AZIN1: variants seen among roughly 807,000 people sequenced by gnomAD.
The protein encoded by AZIN1 is ornithine decarboxylase antizyme inhibitor.
AZIN1 carries 12 observed loss-of-function variants against 47.4 expected under a neutral mutation model. The ratio of observed to expected loss-of-function variants is 0.25; its 90% CI spans 0.16 to 0.41. The LOEUF (loss-of-function observed/expected upper bound fraction) is 0.41. Among genes scored for constraint, AZIN1 ranks in the 10% least tolerant of loss-of-function variants. The probability of loss-of-function intolerance (pLI) is 1.00; values close to 1 mark genes in which losing one functional copy is unlikely to be tolerated. For synonymous variants in AZIN1, 155 were observed against 176.3 expected, an observed-to-expected ratio of 0.88 and a Z score of 0.96; for missense variants, 410 against 532.4, an observed-to-expected ratio of 0.77 and a Z score of 2.26.
At chr8:102,840,937 A>G (rs925968675) in intron 3 of AZIN1, among the ~76,000 whole-genome samples, 2 of 152,062 alleles carry the variant, frequency 1.3e-5, no homozygotes, top group Non-Finnish European at 2.9e-5. Context: ...CCGGAGACAC[A>G]AAGTTTATAT....
intron 5 of AZIN1, among the ~76,000 whole-genome samples, chr8:102,837,766 T>C (rs1026562408): frequency 5.3e-5 from 8 of 152,212 alleles, no homozygotes; most frequent in African/African-American, 1.9e-4. Context: ...ATGAAAATTA[T>C]AGACATACAA....
chr8:102,854,234 C>T (rs1563548272), intron 2 of AZIN1, among the ~76,000 whole-genome samples: 1 of 151,976 alleles, frequency 6.6e-6, no homozygotes, highest in African/African-American at 2.4e-5. Flanking sequence ...GCACCGCACC[C>T]AGCGGACAAC....
chr8:102,862,693 C>G (rs998805078), intron 1 of AZIN1, among the ~76,000 whole-genome samples: 2 of 152,194 alleles, frequency 1.3e-5, no homozygotes, highest in African/African-American at 4.8e-5. Flanking sequence ...GCAATTCCCC[C>G]TCCTTTGAGT....
intron 2 of AZIN1, chr8:102,856,024 A>C (rs190041170): frequency 1.3e-5 from 2 of 152,164 alleles, no homozygotes; most frequent in Admixed American, 1.3e-4. Flanking sequence ...TAGGAATATT[A>C]ACACTAAATG....
chr8:102,854,627 T>TTTC (rs1554583736), intron 2 of AZIN1: 7 of 109,846 alleles, frequency 6.4e-5, no homozygotes, highest in Non-Finnish European at 1.4e-4. Flanking sequence ...TATATATATA[T>TTTC]TTTTTTTCCC....
chr8:102,848,740 T>C (rs144007188), intron 2 of AZIN1, among the ~76,000 whole-genome samples: 103 of 152,304 alleles, frequency 6.8e-4, no homozygotes, highest in African/African-American at 2.4e-3. Context: ...TGCTTGCAGT[T>C]TTCTTAATAT....
At chr8:102,860,034 A>G (rs1813532354) in intron 1 of AZIN1, among the ~76,000 whole-genome samples, 1 of 152,250 alleles carries the variant, frequency 6.6e-6, no homozygotes, top group Non-Finnish European at 1.5e-5. Flanking sequence ...CACTTCTTAT[A>G]AGCACTTACA....
chr8:102,834,168 G>T (rs752115513), intron 8 of AZIN1, 21 bp downstream of exon 8: 2 of 1,593,370 alleles, frequency 1.3e-6, no homozygotes, highest in Non-Finnish European at 1.7e-6. Context: ...TTCTGTTAAT[G>T]TCATCTACTG....
chr8:102,828,729 G>A (rs772145292), intron 11 of AZIN1, 51 bp from the exon 12 acceptor site: 4 of 1,127,556 alleles, frequency 3.5e-6, no homozygotes, highest in Non-Finnish European at 5.3e-6. Context: ...CAAAGACCAC[G>A]TAATCACATA....
intron 5 of AZIN1, 173 bp from the exon 6 acceptor site, chr8:102,836,563 A>C: frequency 1.6e-6 from 1 of 630,120 alleles, no homozygotes. Flanking sequence ...AAAAACTAGC[A>C]ATTAGGGCCT....
intron 2 of AZIN1, chr8:102,854,493 A>G (rs142605982): frequency 0.015 from 2,288 of 151,154 alleles, 32 homozygotes; most frequent in Non-Finnish European, 0.02. Flanking sequence ...ACTACTTGGG[A>G]GGCTGAGGCG....
chr8:102,845,042 G>T (rs999589607), intron 2 of AZIN1, among the ~76,000 whole-genome samples: 1 of 152,152 alleles, frequency 6.6e-6, no homozygotes, highest in Non-Finnish European at 1.5e-5. Context: ...ACTAATTTCT[G>T]GTTGCCACAT....
chr8:102,833,721 C>T (rs1305052808), intron 8 of AZIN1, among the ~76,000 whole-genome samples: 2 of 149,870 alleles, frequency 1.3e-5, no homozygotes, highest in Admixed American at 6.7e-5. Context: ...CCAGGAGTTC[C>T]GAGACCAGCC....
At chr8:102,838,595 T>C (rs1163935885) in intron 5 of AZIN1, 149 bp downstream of exon 5, 5 of 574,452 alleles carry the variant, frequency 8.7e-6, no homozygotes, top group Middle Eastern at 4.7e-4. Context: ...AAAATGTTAC[T>C]AGTGTTTCCC....
At position 102,834,680 on chromosome 8, in the gene AZIN1, C is replaced by T. The variant is rs1409667686; in HGVS notation, c.652G>A (p.Val218Met). 6.2e-7 allele frequency: 1 copy of T among 1,607,918 alleles called. No individual in the cohort carries two copies. The highest frequency in any genetic ancestry group is 8.5e-7 in the Non-Finnish European group (1 of 1,176,530). ...YVHALSDARC[V>M]FDMAGEIGFT... ...AAAGAACTTACAGCCATGTCAAACACACATCGAGCATCAGATAGAGCATGT... is the reference window on the plus strand; with the variant it reads ...AAAGAACTTACAGCCATGTCAAACATACATCGAGCATCAGATAGAGCATGT... Residue 218 changes from valine to methionine, a missense_variant, in exon 7 of 12, where the codon GTG (valine) becomes ATG (methionine). Physicochemically the swap from Val to Met is conservative, Grantham distance 21. Transcript: ENST00000337198.
chr8:102,861,593 T>C (rs530002260), intron 1 of AZIN1, among the ~76,000 whole-genome samples: 1 of 152,140 alleles, frequency 6.6e-6, no homozygotes, highest in African/African-American at 2.4e-5. Context: ...GCAACACAAA[T>C]AATCTACTGA....
chr8:102,849,471 A>T (rs1812790950), intron 2 of AZIN1, among the ~76,000 whole-genome samples: 1 of 152,100 alleles, frequency 6.6e-6, no homozygotes, highest in African/African-American at 2.4e-5. Context: ...GATCAGAAAC[A>T]GGACTGATTT....
chr8:102,829,553 T>G (rs1811305231), intron 10 of AZIN1, 67 bp from the exon 11 acceptor site: 1 of 1,389,270 alleles, frequency 7.2e-7, no homozygotes, highest in Non-Finnish European at 1.0e-6. Context: ...TGTGAGTAAA[T>G]AAGTATTTTC....
At chr8:102,843,204 C>A (rs1231736836) in intron 3 of AZIN1, among the ~76,000 whole-genome samples, 1 of 75,152 alleles carries the variant, frequency 1.3e-5, no homozygotes, top group Non-Finnish European at 2.5e-5. Context: ...AGACTCGTCT[C>A]CAAAAAAAAA....
Sources: gnomAD v4.1 joint callset for allele counts (sites outside exome capture counted in the v4.1 genomes callset) on GRCh38, gnomAD v4.1.1 for gene constraint, MANE v1.5 for transcripts, NCBI Gene and HGNC (gene_info 2026-07-23, HGNC 2026-07-21) for gene names.